Variants in LRTM1 observed in about 807,000 individuals in gnomAD.
LRTM1 encodes the protein leucine rich repeat transmembrane protein 1.
A neutral mutation model predicts 32.4 loss-of-function variants in LRTM1; 38 were observed. That is an observed-to-expected ratio of 1.17 (90% CI 0.91 to 1.54). The LOEUF (loss-of-function observed/expected upper bound fraction) is 1.54. LRTM1 is among the 40% of genes most tolerant of loss of function. LRTM1 has a pLI of 0.00. For synonymous variants in LRTM1, 186 were observed against 169.9 expected, an observed-to-expected ratio of 1.09 and a Z score of -0.74; for missense variants, 466 against 415.4, an observed-to-expected ratio of 1.12 and a Z score of -1.06.
chr3:54,954,954 C>T (rs184461081), intron 1 of LRTM1, among the ~76,000 whole-genome samples: 4 of 152,286 alleles, frequency 2.6e-5, no homozygotes, highest in Admixed American at 2.6e-4. Flanking sequence ...ACTCATCTAG[C>T]TTTTATTGAA....
At chr3:54,922,334 T>C (rs1700875585) in intron 2 of LRTM1, among the ~76,000 whole-genome samples, 1 of 152,056 alleles carries the variant, frequency 6.6e-6, no homozygotes, top group Non-Finnish European at 1.5e-5. Context: ...TTTTTTTTTT[T>C]TTTAATCAAG....
intron 1 of LRTM1, among the ~76,000 whole-genome samples, chr3:54,936,213 T>G (rs1701325069): frequency 6.6e-6 from 1 of 152,162 alleles, no homozygotes; most frequent in African/African-American, 2.4e-5. Flanking sequence ...AGCTAGTATC[T>G]TCTATTATTG....
At chr3:54,948,331 A>C (rs1363712205) in intron 1 of LRTM1, among the ~76,000 whole-genome samples, 1 of 152,204 alleles carries the variant, frequency 6.6e-6, no homozygotes, top group Non-Finnish European at 1.5e-5. Flanking sequence ...ACCTCAGTAA[A>C]AACTGGAAGA....
chr3:54,957,111 C>T (rs2107034313), intron 1 of LRTM1, among the ~76,000 whole-genome samples: 1 of 152,230 alleles, frequency 6.6e-6, no homozygotes, highest in Admixed American at 6.5e-5. Context: ...ATTATTACTA[C>T]TGCTATGATT....
chr3:54,952,127 T>C (rs928895181), intron 1 of LRTM1, among the ~76,000 whole-genome samples: 18 of 152,194 alleles, frequency 1.2e-4, no homozygotes, highest in Admixed American at 1.2e-3. Context: ...ATTACACATG[T>C]TAGCCACTGG....
chr3:54,948,194 T>G (rs1168535780), intron 1 of LRTM1, among the ~76,000 whole-genome samples: 1 of 152,160 alleles, frequency 6.6e-6, no homozygotes, highest in Admixed American at 6.5e-5. Flanking sequence ...TTGTCTTGAC[T>G]AGAGAGTGAG....
chr3:54,924,186 T>C (rs530827905), intron 2 of LRTM1, among the ~76,000 whole-genome samples: 1 of 152,228 alleles, frequency 6.6e-6, no homozygotes, highest in East Asian at 1.9e-4. Context: ...TAGAAAAGAA[T>C]TACAGTTGTC....
At chr3:54,932,342 C>T (rs1701210370), upstream of LRTM1, among the ~76,000 whole-genome samples, 1 of 151,724 alleles carries the variant, frequency 6.6e-6, no homozygotes, top group Admixed American at 6.6e-5. Context: ...AGGAATTAAC[C>T]CTATAAATAC....
chr3:54,950,607 G>T (rs2107014142), intron 1 of LRTM1, among the ~76,000 whole-genome samples: 1 of 152,304 alleles, frequency 6.6e-6, no homozygotes, highest in East Asian at 1.9e-4. Context: ...ATGCCAACAG[G>T]AGAGTGGACC....
intron 1 of LRTM1, among the ~76,000 whole-genome samples, chr3:54,943,571 T>C (rs1253266320): frequency 6.6e-6 from 1 of 152,220 alleles, no homozygotes; most frequent in Admixed American, 6.5e-5. Flanking sequence ...GTTTTCTTTT[T>C]TATGTTATTT....
chr3:54,924,538 T>C (rs1363729316), intron 2 of LRTM1, 81 bp downstream of exon 2: 2 of 1,193,184 alleles, frequency 1.7e-6, no homozygotes, highest in Non-Finnish European at 2.4e-6. Flanking sequence ...TCCTCCACAT[T>C]CTTTCTAATG....
intron 1 of LRTM1, among the ~76,000 whole-genome samples, chr3:54,961,033 T>A (rs1702019806): frequency 6.6e-6 from 1 of 152,226 alleles, no homozygotes; most frequent in South Asian, 2.1e-4. Context: ...TTCAGATTCG[T>A]TGTTAGTTCT....
intron 2 of LRTM1, among the ~76,000 whole-genome samples, chr3:54,922,397 A>G (rs1395702949): frequency 1.3e-5 from 2 of 151,524 alleles, no homozygotes; most frequent in Admixed American, 6.6e-5. Flanking sequence ...TGTGCTTACA[A>G]TTTAATCCAC....
chr3:54,933,915 C>G (rs1342085648), intron 1 of LRTM1, among the ~76,000 whole-genome samples: 1 of 151,990 alleles, frequency 6.6e-6, no homozygotes, highest in Non-Finnish European at 1.5e-5. Context: ...ATTACAGGCA[C>G]ACACCACCAT....
At chr3:54,951,255 A>G (rs1701749946) in intron 1 of LRTM1, among the ~76,000 whole-genome samples, 1 of 152,220 alleles carries the variant, frequency 6.6e-6, no homozygotes, top group Non-Finnish European at 1.5e-5. Context: ...GCCACTATGT[A>G]GACATCTCAC....
At chr3:54,940,734 T>G (rs1349208605) in intron 1 of LRTM1, among the ~76,000 whole-genome samples, 1 of 152,212 alleles carries the variant, frequency 6.6e-6, no homozygotes, top group Non-Finnish European at 1.5e-5. Flanking sequence ...CCTTTTGCAT[T>G]TATTCTGTGC....
intron 1 of LRTM1, among the ~76,000 whole-genome samples, chr3:54,946,729 G>A (rs1423395122): frequency 6.6e-6 from 1 of 151,888 alleles, no homozygotes; most frequent in Non-Finnish European, 1.5e-5. Flanking sequence ...TCCACTGGAT[G>A]CAAAGAATCC....
intron 2 of LRTM1, among the ~76,000 whole-genome samples, chr3:54,919,909 T>G (rs1700786510): frequency 6.6e-6 from 1 of 152,196 alleles, no homozygotes; most frequent in Admixed American, 6.5e-5. Flanking sequence ...CTACACTCGC[T>G]GCCTCGCCAC....
At chr3:54,928,734 T>G (rs1701101295), upstream of LRTM1, among the ~76,000 whole-genome samples, 1 of 151,940 alleles carries the variant, frequency 6.6e-6, no homozygotes, top group African/African-American at 2.4e-5. Context: ...CGAGTTGAAT[T>G]GACCTTTTGG....
Sources: gnomAD v4.1 joint callset for allele counts (sites outside exome capture counted in the v4.1 genomes callset) on GRCh38, gnomAD v4.1.1 for gene constraint, MANE v1.5 for transcripts, NCBI Gene and HGNC (gene_info 2026-07-23, HGNC 2026-07-21) for gene names.